The following KLRG1 variants were observed in gnomAD, a reference collection of about 807,000 sequenced individuals.
KLRG1 encodes the protein killer cell lectin-like receptor subfamily G member 1.
A neutral mutation model predicts 21.8 loss-of-function variants in KLRG1; 16 were observed. The observed-to-expected ratio is 0.73, with a 90% CI of 0.50 to 1.11. The LOEUF (loss-of-function observed/expected upper bound fraction) is 1.11, where lower values mean the gene tolerates loss of function less well. Ranked by LOEUF, KLRG1 falls within the 50% of genes most tolerant of loss-of-function variation. The probability of loss-of-function intolerance (pLI) is 0.00; values close to 1 mark genes in which losing one functional copy is unlikely to be tolerated. For missense variants in KLRG1, 173 were observed against 218.3 expected (o/e 0.79, Z 1.31); for synonymous variants, 69 against 75.9 (o/e 0.91, Z 0.47).
chr12:9,081,249 A>T, the KLRG1 span, among the ~76,000 whole-genome samples: 1 of 152,232 alleles, frequency 6.6e-6, no homozygotes, highest in African/African-American at 2.4e-5. Context: ...CCTTGTAATT[A>T]AGAAAATATA....
the KLRG1 span, chr12:9,065,985 A>G: frequency 6.6e-6 from 1 of 152,294 alleles, no homozygotes; most frequent in African/African-American, 2.4e-5. Context: ...CCGTTCTGCT[A>G]GAAGCTGAAC....
At chr12:9,065,271 T>G in the KLRG1 span, 1 of 150,522 alleles carries the variant, frequency 6.6e-6, no homozygotes, top group Non-Finnish European at 1.5e-5. Flanking sequence ...TCCGAACTGG[T>G]GGAGCAGGAG....
At chr12:9,115,969 G>C in the KLRG1 span, 15 of 810,182 alleles carry the variant, frequency 1.9e-5, no homozygotes, top group Non-Finnish European at 2.8e-5. Flanking sequence ...GTGCAAACAG[G>C]AAGTTCCACC....
the KLRG1 span, among the ~76,000 whole-genome samples, chr12:9,083,314 C>T: frequency 2.6e-5 from 4 of 151,630 alleles, no homozygotes; most frequent in Non-Finnish European, 5.9e-5. Flanking sequence ...GGGTGCAGCA[C>T]ACCAACATGG....
At chr12:9,070,190 A>G in the KLRG1 span, among the ~76,000 whole-genome samples, 2,251 of 152,106 alleles carry the variant, frequency 0.015, 21 homozygotes, top group Middle Eastern at 0.027. Flanking sequence ...TCATTTTCAT[A>G]TTTTTCACTG....
chr12:9,072,966 T>G, the KLRG1 span: 1 of 904,176 alleles, frequency 1.1e-6, no homozygotes, highest in Non-Finnish European at 1.7e-6. Flanking sequence ...GACTTTGATT[T>G]CCTACTTCCC....
At chr12:9,129,504 G>A in the KLRG1 span, among the ~76,000 whole-genome samples, 1 of 151,994 alleles carries the variant, frequency 6.6e-6, no homozygotes, top group African/African-American at 2.4e-5. Flanking sequence ...TAAACTGAAA[G>A]TATTTTCAGT....
the KLRG1 span, chr12:9,166,041 A>G: frequency 1.9e-6 from 3 of 1,594,076 alleles, no homozygotes; most frequent in South Asian, 1.1e-5. Flanking sequence ...GAGGAAAGTA[A>G]AGTTACTTAC....
the KLRG1 span, chr12:9,154,867 G>T: frequency 6.3e-7 from 1 of 1,575,772 alleles, no homozygotes; most frequent in Non-Finnish European, 8.7e-7. Context: ...GGAGATAATT[G>T]TAACTCATCA....
intron 3 of KLRG1, among the ~76,000 whole-genome samples, chr12:8,997,962 G>A (rs1397133031): frequency 6.6e-6 from 1 of 151,834 alleles, no homozygotes; most frequent in Non-Finnish European, 1.5e-5. Flanking sequence ...TTTATGTATA[G>A]TATTCTTAAT....
At chr12:9,170,694 G>A in the KLRG1 span, among the ~76,000 whole-genome samples, 10 of 152,294 alleles carry the variant, frequency 6.6e-5, no homozygotes, top group South Asian at 8.3e-4. This position sits in a 1 kb window ranked among gnomAD's most constrained non-coding sequence, Gnocchi z 4.6. Flanking sequence ...GATGAGGAAC[G>A]GTCCCCCACG....
chr12:9,071,020 A>C, the KLRG1 span, among the ~76,000 whole-genome samples: 1 of 151,902 alleles, frequency 6.6e-6, no homozygotes, highest in Admixed American at 6.6e-5. Context: ...GGGTTTCTCC[A>C]TGTTGGTCAG....
chr12:9,187,263 A>G, the KLRG1 span, among the ~76,000 whole-genome samples: 3 of 152,130 alleles, frequency 2.0e-5, no homozygotes, highest in Non-Finnish European at 2.9e-5. Context: ...TCAACACTCC[A>G]CAGACAGTAT....
At chr12:8,974,634 G>C (rs1304347073) in intron 1 of KLRG1, among the ~76,000 whole-genome samples, 1 of 152,124 alleles carries the variant, frequency 6.6e-6, no homozygotes, top group African/African-American at 2.4e-5. Context: ...ATAATCAAAA[G>C]AGTTTTTTCA....
chr12:9,158,322 T>C, the KLRG1 span: 1 of 1,492,898 alleles, frequency 6.7e-7, no homozygotes, highest in Non-Finnish European at 9.2e-7. Flanking sequence ...CATCCAGGAC[T>C]TCATCTTTGC....
intron 1 of KLRG1, among the ~76,000 whole-genome samples, chr12:8,968,755 G>A (rs1946520798): frequency 6.6e-6 from 1 of 152,116 alleles, no homozygotes; most frequent in Admixed American, 6.5e-5. Context: ...ATCATGCAAA[G>A]TATATTTGAC....
the KLRG1 span, chr12:9,080,082 C>A: frequency 6.4e-7 from 1 of 1,566,390 alleles, no homozygotes. Context: ...CCACTAGGGG[C>A]TGGAGACTCA....
At chr12:9,006,527 G>T (rs16917943) in intron 3 of KLRG1, among the ~76,000 whole-genome samples, 1 of 152,226 alleles carries the variant, frequency 6.6e-6, no homozygotes, top group South Asian at 2.1e-4. Context: ...AGGACTGTGC[G>T]TACATAGTAA....
chr12:8,964,192 T>TA (rs1457741477), intron 1 of KLRG1, among the ~76,000 whole-genome samples: 2 of 152,244 alleles, frequency 1.3e-5, no homozygotes, highest in Non-Finnish European at 2.9e-5. Flanking sequence ...AATTTCCCTC[T>TA]ACACACTGCT....
Sources: allele counts gnomAD v4.1 joint callset (sites outside exome capture counted in the v4.1 genomes callset), GRCh38; gene constraint gnomAD v4.1.1; non-coding constraint Gnocchi (gnomAD v3.1); transcripts MANE v1.5; gene names NCBI Gene and HGNC (gene_info 2026-07-23, HGNC 2026-07-21).